POLB: variants seen among roughly 807,000 people sequenced by gnomAD.
POLB encodes 5'-dRP lyase.
In POLB, 37 loss-of-function variants were observed where a neutral mutation model predicts 52.7. That is an observed-to-expected ratio of 0.70 (90% CI 0.54 to 0.92). The LOEUF is 0.92. Among genes scored for constraint, POLB ranks in the 40% least tolerant of loss-of-function variants. The pLI is 0.00. For missense variants in POLB, 313 were observed against 400.8 expected, an observed-to-expected ratio of 0.78 and a Z score of 1.87; for synonymous variants, 138 against 131.3, an observed-to-expected ratio of 1.05 and a Z score of -0.35.
intron 13 of POLB, 60 bp from the exon 14 acceptor site, chr8:42,371,503 C>A (rs569486247): frequency 3.5e-6 from 3 of 856,744 alleles, no homozygotes; most frequent in South Asian, 1.9e-5. Context: ...AATCTTGAAC[C>A]CTCTATAACT....
chr8:42,338,820 C>G, intron 1 of POLB, 135 bp downstream of exon 1: 1 of 1,004,974 alleles, frequency 1.0e-6, no homozygotes, highest in Non-Finnish European at 1.5e-6. Flanking sequence ...TGGGGATCTC[C>G]CTCCGGCGCC....
Position 42,371,689 on chromosome 8 carries a change from A to G in POLB, c.*32A>G. On this transcript the variant is annotated 3_prime_UTR_variant, in exon 14 of 14. Coordinates refer to ENST00000265421, the MANE Select transcript of POLB (RefSeq NM_002690.3). Reference sequence around the variant, plus strand: ...TATCCTCCCTGGCAGACACAACCCAATAGGAGTCTTAATTTATTTCTTAAC... The same window carrying G: ...TATCCTCCCTGGCAGACACAACCCAGTAGGAGTCTTAATTTATTTCTTAAC... The G allele has an allele frequency of 3.3e-6, 4 of 1,213,748 alleles. No individual in the cohort carries two copies. The highest frequency in any genetic ancestry group is 4.9e-6 in the Non-Finnish European group (4 of 815,544). The allele number at this position is 1,213,748 out of a possible 1,614,324, so 75.2% of individuals were successfully genotyped here.
chr8:42,348,451 A>C (rs760372427), intron 3 of POLB, among the ~76,000 whole-genome samples: 2 of 152,232 alleles, frequency 1.3e-5, no homozygotes, highest in African/African-American at 2.4e-5. Flanking sequence ...CCATGTTGGA[A>C]TGTGCAGTTC....
chr8:42,338,926 A>T, intron 1 of POLB, 86 bp from the exon 2 acceptor site: 1 of 1,196,434 alleles, frequency 8.4e-7, no homozygotes, highest in Non-Finnish European at 1.2e-6. Flanking sequence ...ACTGTCTCTT[A>T]GAGGCTGCCA....
chr8:42,359,619 C>T (rs534459675), intron 9 of POLB, among the ~76,000 whole-genome samples: 60 of 151,086 alleles, frequency 4.0e-4, no homozygotes, highest in African/African-American at 1.4e-3. Context: ...CCACCTTAGC[C>T]TCCCACAGTG....
intron 7 of POLB, among the ~76,000 whole-genome samples, chr8:42,356,596 A>ATT (rs3136757): frequency 1.3e-5 from 2 of 151,008 alleles, no homozygotes; most frequent in African/African-American, 4.9e-5. Context: ...TCATTCCCCC[A>ATT]TTGCCTCCCC....
At position 42,350,671 on chromosome 8, in the gene POLB, G is replaced by T. The variant is rs548956491; in HGVS notation, c.320+606G>T. On this transcript the variant is annotated intron_variant, in intron 5 of 13. Coordinates refer to ENST00000265421, the MANE Select transcript of POLB (RefSeq NM_002690.3). ...ACTGGCTGAAGTAAAGATTAACATT[G>T]AAATATTAAGGCTTTAGTGCTCTCA... Among the ~76,000 whole-genome samples the T allele has an allele frequency of 2.0e-5, 3 of 152,208 alleles. No homozygotes were observed. In the South Asian group the frequency reaches 6.2e-4, roughly 32 times the overall value.
At chr8:42,338,908 G>T in intron 1 of POLB, 104 bp from the exon 2 acceptor site, 1 of 1,064,962 alleles carries the variant, frequency 9.4e-7, no homozygotes, top group South Asian at 1.3e-5. Context: ...TGGAGGAAAC[G>T]GGTGGTCACT....
At chr8:42,344,633 G>T (rs1822493396) in intron 2 of POLB, among the ~76,000 whole-genome samples, 1 of 152,016 alleles carries the variant, frequency 6.6e-6, no homozygotes, top group Admixed American at 6.6e-5. Flanking sequence ...AGGAGATCGA[G>T]ACCATCCTGG....
At chr8:42,346,703 C>T (rs1585876402) in intron 3 of POLB, among the ~76,000 whole-genome samples, 1 of 152,028 alleles carries the variant, frequency 6.6e-6, no homozygotes, top group African/African-American at 2.4e-5. Flanking sequence ...CCATAACTGC[C>T]GTTATATTTT....
chr8:42,338,557 C>T lies in POLB; in HGVS notation c.-68C>T. The T allele has an allele frequency of 7.2e-7, 1 of 1,394,408 alleles. No individual in the cohort carries two copies. Among genetic ancestry groups the T allele is most frequent in the East Asian group, 2.3e-5 (1 of 43,704 alleles). 86.4% of individuals were successfully genotyped at this position (1,394,408 alleles called of 1,614,324 possible). On this transcript the variant is annotated 5_prime_UTR_variant, in exon 1 of 14. Transcript: ENST00000265421. ...CTCCCGTCTCCAAGTCCTGGTACCT[C>T]CTTCAAGCTGGGAGAGGGCTCTAGT...
At chr8:42,357,571 C>T in intron 9 of POLB, 179 bp downstream of exon 9, 1 of 485,510 alleles carries the variant, frequency 2.1e-6, no homozygotes, top group Non-Finnish European at 3.6e-6. Context: ...GGAAATTCAT[C>T]CTGATTTTAT....
At chr8:42,348,950 T>C in intron 3 of POLB, 66 bp from the exon 4 acceptor site, 1 of 859,990 alleles carries the variant, frequency 1.2e-6, no homozygotes. Context: ...GCTTTTTACT[T>C]TATCTTTTAG....
At chr8:42,354,529 A>G (rs558483191) in intron 6 of POLB, 52 of 1,116,132 alleles carry the variant, frequency 4.7e-5, no homozygotes, top group Non-Finnish European at 6.3e-5. Context: ...CAGGTACAGT[A>G]ATAATTTTCC....
At chr8:42,347,947 T>G (rs772583430) in intron 3 of POLB, among the ~76,000 whole-genome samples, 1 of 152,168 alleles carries the variant, frequency 6.6e-6, no homozygotes, top group Non-Finnish European at 1.5e-5. Flanking sequence ...GGACAGGACA[T>G]TTTTCAATAC....
At chr8:42,341,616 C>T (rs1822205583) in intron 2 of POLB, among the ~76,000 whole-genome samples, 2 of 152,186 alleles carry the variant, frequency 1.3e-5, no homozygotes, top group South Asian at 2.1e-4. Flanking sequence ...TGTATCCAAT[C>T]TGTCACCAGA....
intron 11 of POLB, among the ~76,000 whole-genome samples, chr8:42,366,095 C>T (rs1178507095): frequency 1.3e-5 from 2 of 149,058 alleles, no homozygotes; most frequent in Non-Finnish European, 2.9e-5. Flanking sequence ...GCAAGACTCC[C>T]TCCCAAAGGA....
intron 10 of POLB, among the ~76,000 whole-genome samples, chr8:42,362,131 G>A (rs3136776): frequency 0.24 from 36,155 of 151,806 alleles, 8,408 homozygotes; most frequent in African/African-American, 0.61. Flanking sequence ...GTGGTGGTGC[G>A]CGCCTGTAGT....
intron 13 of POLB, among the ~76,000 whole-genome samples, 183 bp from the exon 14 acceptor site, chr8:42,371,380 C>G (rs977493203): frequency 1.3e-5 from 2 of 152,160 alleles, no homozygotes; most frequent in Non-Finnish European, 2.9e-5. Flanking sequence ...GCCTCGGCCT[C>G]CCAAATTGCT....
Sources: allele counts gnomAD v4.1 joint callset (sites outside exome capture counted in the v4.1 genomes callset), GRCh38; gene constraint gnomAD v4.1.1; transcripts MANE v1.5; gene names NCBI Gene and HGNC (gene_info 2026-07-23, HGNC 2026-07-21).